LRR1: variants seen among roughly 807,000 people sequenced by gnomAD.
The protein encoded by LRR1 is leucine rich repeat protein 1, also known as leucine-rich repeat protein 1.
Under a neutral mutation model 31.6 loss-of-function variants are expected in LRR1, and 29 were observed. That is an observed-to-expected ratio of 0.92 (90% CI 0.68 to 1.25). The LOEUF is 1.25. Among genes scored for constraint, LRR1 ranks in the 50% most tolerant of loss-of-function variants. The probability of loss-of-function intolerance (pLI) is 0.00; values close to 1 mark genes in which losing one functional copy is unlikely to be tolerated. For synonymous variants in LRR1, 179 were observed against 181.4 expected (o/e 0.99, Z 0.10); for missense variants, 485 against 487.2 (o/e 1.00, Z 0.04).
At chr14:49,601,168 C>T (rs182173546) in intron 1 of LRR1, 564 of 1,587,536 alleles carry the variant, frequency 3.6e-4, no homozygotes, top group Non-Finnish European at 4.7e-4. Flanking sequence ...TGTTTTATTA[C>T]TTGAGCACAA....
At chr14:49,611,346 G>A (rs1399705617) in intron 3 of LRR1, among the ~76,000 whole-genome samples, 4 of 152,046 alleles carry the variant, frequency 2.6e-5, no homozygotes, top group African/African-American at 7.2e-5. Flanking sequence ...ATGGTGGTGC[G>A]CACCTGTAAT....
intron 3 of LRR1, 39 bp from the exon 4 acceptor site, chr14:49,614,217 T>A: frequency 6.3e-7 from 1 of 1,577,210 alleles, no homozygotes; most frequent in Non-Finnish European, 8.6e-7. Flanking sequence ...CTGAATCTAG[T>A]AACATGTTAT....
In LRR1 at chr14:49,607,984, T is replaced by A; in HGVS notation, c.867T>A (p.Ser289Arg). The change falls in exon 3 of 4, where the codon AGT becomes AGA. Residue 289 changes from serine to arginine, a missense_variant. Physicochemically the swap from Ser to Arg is moderately radical, Grantham distance 110. Around this residue, in one of 3 missense-constraint regions of LRR1, gnomAD observed 210 missense variants for 200.4 expected, o/e 1.05. Coordinates refer to ENST00000298288, the MANE Select transcript of LRR1 (RefSeq NM_152329.4). ...GAAATAAGCTTCCATTTTTGCCTAG[T>A]GAATTTAGAAATTTATCCCTTGAAT... ...AARNKLPFLP[S>R]EFRNLSLEYL... 1.2e-6 allele frequency: 2 copies of A among 1,614,180 alleles called. No individual in the cohort carries two copies. The highest frequency in any genetic ancestry group is 1.7e-6 in the Non-Finnish European group (2 of 1,180,040).
At chr14:49,613,374 G>A (rs1337649417) in intron 3 of LRR1, among the ~76,000 whole-genome samples, 7 of 151,622 alleles carry the variant, frequency 4.6e-5, no homozygotes, top group African/African-American at 9.7e-5. Flanking sequence ...GAATGTTGGC[G>A]TGTGCCTGTA....
At chr14:49,600,278 A>G (rs1882003425) in intron 1 of LRR1, 2 of 1,497,032 alleles carry the variant, frequency 1.3e-6, no homozygotes, top group Non-Finnish European at 1.9e-6. Flanking sequence ...ATCCAGCCTC[A>G]TTTCAAAATG....
chr14:49,612,636 T>C (rs1882554004), intron 3 of LRR1: 1 of 1,042,740 alleles, frequency 9.6e-7, no homozygotes, highest in Non-Finnish European at 1.2e-6. Flanking sequence ...TAACCGCTGT[T>C]TTTTTATTTG....
At chr14:49,612,864 A>G (rs1882562960) in intron 3 of LRR1, among the ~76,000 whole-genome samples, 1 of 152,124 alleles carries the variant, frequency 6.6e-6, no homozygotes, top group Non-Finnish European at 1.5e-5. Flanking sequence ...GTGGGCAGGC[A>G]ATCTCAAGAC....
At chr14:49,603,125 G>C (rs1408426772) in intron 2 of LRR1, among the ~76,000 whole-genome samples, 4 of 151,984 alleles carry the variant, frequency 2.6e-5, no homozygotes, top group Non-Finnish European at 5.9e-5. Context: ...GATTACAGGC[G>C]TGAGCCACTG....
intron 3 of LRR1, among the ~76,000 whole-genome samples, chr14:49,609,398 G>T (rs547788650): frequency 9.3e-5 from 14 of 150,868 alleles, no homozygotes; most frequent in African/African-American, 3.4e-4. Context: ...GCTCATTTTT[G>T]TATTTTCATT....
chr14:49,613,169 C>T (rs949031982), intron 3 of LRR1, among the ~76,000 whole-genome samples: 3 of 151,966 alleles, frequency 2.0e-5, no homozygotes, highest in Non-Finnish European at 4.4e-5. Context: ...GAAACCCTGC[C>T]TCTACTAAAA....
chr14:49,610,597 C>T (rs1882476649), intron 3 of LRR1, among the ~76,000 whole-genome samples: 1 of 151,102 alleles, frequency 6.6e-6, no homozygotes, highest in Admixed American at 6.6e-5. Flanking sequence ...GTCTCTTTCA[C>T]TCTTGCCCGG....
intron 2 of LRR1, 119 bp from the exon 3 acceptor site, chr14:49,607,281 T>C: frequency 8.7e-7 from 1 of 1,147,652 alleles, no homozygotes; most frequent in Non-Finnish European, 1.2e-6. Flanking sequence ...TTACAGTCAA[T>C]TTCAGTAAAT....
rs533515748 is a variant in LRR1 at position 49,605,248 on chromosome 14, C to G, written c.283-2152C>G. Among the ~76,000 whole-genome samples, 208 of 152,222 alleles carry G rather than the reference C, an allele frequency of 1.4e-3. 6 individuals carry two copies. In the South Asian group the frequency reaches 0.041, roughly 30 times the overall value. On this transcript the variant is annotated intron_variant, in intron 2 of 3. Transcript: ENST00000298288. ...AAAGTGCTCTGCAACATTAAAAGTT[C>G]GATAACTAAGGAGTTTGGATTGAAT...
Position 49,614,300 on chromosome 14 carries a change from A to G in LRR1, c.1049A>G (p.Asp350Gly). The change falls in exon 4 of 4, where the codon GAT becomes GGT. Residue 350 changes from aspartate to glycine, a missense_variant. Physicochemically the swap from Asp to Gly is moderately conservative, Grantham distance 94 (BLOSUM62 -1). Around this residue, in one of 3 missense-constraint regions of LRR1, gnomAD observed 210 missense variants for 200.4 expected, o/e 1.05. Transcript: ENST00000298288. Reference protein sequence around the residue: ...SHIIPFHLCQDLDTAKICVCG... With the variant: ...SHIIPFHLCQGLDTAKICVCG... ...ATCATTCCATTCCATCTCTGCCAAG[A>G]TTTGGATACCGCAAAAATTTGTGTT... 1.9e-6 allele frequency: 3 copies of G among 1,613,716 alleles called. No individual in the cohort carries two copies. Among genetic ancestry groups the G allele is most frequent in the Non-Finnish European group, 2.5e-6 (3 of 1,179,936 alleles).
chr14:49,608,173 TC>T (rs1425611894), intron 3 of LRR1, 52 bp downstream of exon 3: 1 of 1,482,064 alleles, frequency 6.7e-7, no homozygotes, highest in Non-Finnish European at 8.9e-7. Flanking sequence ...ATTCTAATAT[TC>T]CTATCAAACT....
At chr14:49,601,990 G>A (rs965970043) in intron 1 of LRR1, among the ~76,000 whole-genome samples, 2 of 151,746 alleles carry the variant, frequency 1.3e-5, no homozygotes, top group South Asian at 2.1e-4. Context: ...AAAATTAGCC[G>A]GGCATGGTGG....
At chr14:49,599,872 C>G in intron 1 of LRR1, 1 of 506,652 alleles carries the variant, frequency 2.0e-6, no homozygotes, top group Non-Finnish European at 2.9e-6. Context: ...GCCGGGGGGG[C>G]GGCCCCGCGG....
rs766411123 is a variant in LRR1 at position 49,602,430 on chromosome 14, C to T, written c.244C>T (p.Arg82Trp). ...KFVDEGKATVRLKEPPVDICL... is the reference protein window; with the variant it reads ...KFVDEGKATVWLKEPPVDICL... ...TGTAGATGAGGGGAAAGCCACTGTT[C>T]GGTTAAAGGAGCCTCCTGTGGATAT... Residue 82 changes from arginine (R) to tryptophan (W), a missense_variant, in exon 2 of 4, where the codon CGG (arginine) becomes TGG (tryptophan). Arg to Trp is a moderately radical substitution (Grantham distance 101). Coordinates refer to ENST00000298288, the MANE Select transcript of LRR1 (RefSeq NM_152329.4). The T allele has an allele frequency of 9.9e-6, 16 of 1,613,502 alleles. No individual in the cohort carries two copies. In the East Asian group the frequency reaches 1.1e-4, roughly 11 times the overall value.
chr14:49,611,881 A>G (rs962911912), intron 3 of LRR1, among the ~76,000 whole-genome samples: 2 of 151,330 alleles, frequency 1.3e-5, no homozygotes, highest in East Asian at 3.9e-4. Flanking sequence ...CTGAGATTGT[A>G]GCACCACACT....
Sources: allele counts gnomAD v4.1 joint callset (sites outside exome capture counted in the v4.1 genomes callset), GRCh38; gene constraint gnomAD v4.1.1; regional missense constraint gnomAD v4.1.1; transcripts MANE v1.5; gene names NCBI Gene and HGNC (gene_info 2026-07-23, HGNC 2026-07-21).